The following PRDM15 variants were observed in gnomAD, a reference collection of about 807,000 sequenced individuals.
PRDM15 encodes PR domain zinc finger protein 15.
Under a neutral mutation model 128.6 loss-of-function variants are expected in PRDM15, and 64 were observed. The observed-to-expected ratio is 0.50, with a 90% CI of 0.41 to 0.61. PRDM15 has a LOEUF of 0.61. PRDM15 is among the 20% of genes least tolerant of loss of function. The pLI is 0.00. For synonymous variants in PRDM15, 615 were observed against 621.8 expected, an observed-to-expected ratio of 0.99 and a Z score of 0.16; for missense variants, 1,242 against 1,569.1, an observed-to-expected ratio of 0.79 and a Z score of 3.52.
chr21:41,858,871 G>A (rs904369717), intron 3 of PRDM15, among the ~76,000 whole-genome samples: 1 of 152,196 alleles, frequency 6.6e-6, no homozygotes, highest in Non-Finnish European at 1.5e-5. Context: ...TGGGGCAGTG[G>A]GGAGGCTCCT....
intron 18 of PRDM15, 118 bp from the exon 19 acceptor site, chr21:41,815,954 G>C (rs969624933): frequency 3.8e-6 from 5 of 1,331,772 alleles, no homozygotes; most frequent in Non-Finnish European, 5.1e-6. Context: ...GTGAGGGTGT[G>C]GGCCGGCCCC....
chr21:41,816,462 G>A (rs1275607861), intron 18 of PRDM15, among the ~76,000 whole-genome samples: 1 of 152,142 alleles, frequency 6.6e-6, no homozygotes, highest in Non-Finnish European at 1.5e-5. Flanking sequence ...CCAGGGAACA[G>A]GGCGACCCAG....
rs571264446 is a variant in PRDM15, at chr21:41,858,569, G to A, written c.131+1023C>T. Among the ~76,000 whole-genome samples, 6 of 150,918 alleles carry A rather than the reference G, an allele frequency of 4.0e-5. No individual in the cohort carries two copies. In the South Asian group the frequency reaches 1.0e-3, roughly 26 times the overall value. On this transcript the variant is annotated intron_variant, in intron 3 of 23. Transcript: ENST00000398548. ...GAGCACAGGCCTCTCCGACAGAGGC[G>A]GACATGGGGTGCCCAGAGCACAGGC...
At chr21:41,868,005 C>T (rs958433496) in intron 1 of PRDM15, among the ~76,000 whole-genome samples, 2 of 145,404 alleles carry the variant, frequency 1.4e-5, no homozygotes, top group East Asian at 2.0e-4. Context: ...TGCAGTGAGA[C>T]GAGATCCACT....
chr21:41,803,652 G>A (rs753841754), intron 22 of PRDM15, among the ~76,000 whole-genome samples: 7 of 152,244 alleles, frequency 4.6e-5, no homozygotes, highest in East Asian at 3.9e-4. Flanking sequence ...GGGACGACCC[G>A]TCCCCCCCAT....
At chr21:41,815,927 C>T (rs535749204) in intron 18 of PRDM15, 91 bp from the exon 19 acceptor site, 212 of 1,524,410 alleles carry the variant, frequency 1.4e-4, no homozygotes, top group Non-Finnish European at 1.8e-4. Context: ...GCACAGGCAG[C>T]GGCCCGTGCG....
intron 18 of PRDM15, among the ~76,000 whole-genome samples, chr21:41,816,770 A>T (rs535834922): frequency 5.9e-5 from 9 of 152,246 alleles, no homozygotes; most frequent in African/African-American, 1.9e-4. Flanking sequence ...CCCCACGATG[A>T]AGCCCGCTGC....
At position 41,862,184 on chromosome 21, in the gene PRDM15, G is replaced by T. The variant is rs552501584; in HGVS notation, c.-9-1812C>A. On this transcript the variant is annotated intron_variant, in intron 1 of 23. Coordinates refer to ENST00000398548, the MANE Select transcript of PRDM15 (RefSeq NM_001040424.3). The surrounding 1 kb of genome is among the most constrained non-coding windows in gnomAD (Gnocchi z 4.1). ...GAGGTGTAGGACCTGCGTGCCCCCT[G>T]CAGGAACCCACGTGACTCACGGTCA... 6.6e-6 allele frequency among the ~76,000 whole-genome samples: 1 copy of T among 152,308 alleles called. No homozygotes were observed. Among genetic ancestry groups the T allele is most frequent in the Admixed American group, 6.5e-5 (1 of 15,302 alleles).
chr21:41,869,030 G>A (rs941902443), intron 1 of PRDM15, among the ~76,000 whole-genome samples: 7 of 152,094 alleles, frequency 4.6e-5, no homozygotes, highest in Non-Finnish European at 8.8e-5. Flanking sequence ...TTATTTTACG[G>A]TTGTGCTTGA....
At chr21:41,831,726 G>A (rs2062699326) in intron 11 of PRDM15, among the ~76,000 whole-genome samples, 2 of 152,168 alleles carry the variant, frequency 1.3e-5, no homozygotes, top group South Asian at 4.1e-4. Context: ...GCGCTGGGAG[G>A]GGACAGTCCC....
chr21:41,809,336 G>A (rs140306768), intron 21 of PRDM15, among the ~76,000 whole-genome samples: 4,271 of 151,424 alleles, frequency 0.028, 89 homozygotes, highest in Middle Eastern at 0.058. Flanking sequence ...GGGTTCAAGC[G>A]ATTCTGCTGC....
In PRDM15 at chr21:41,836,600, G is replaced by A; in HGVS notation, c.1051C>T (p.Leu351Phe). 1 of 1,613,204 alleles carries A rather than the reference G, an allele frequency of 6.2e-7. No homozygotes were observed. Among genetic ancestry groups the A allele is most frequent in the Non-Finnish European group, 8.5e-7 (1 of 1,179,784 alleles). ...CGCCGGATGCCGTGTCTGCTTGAGA[G>A]AATTAAGCTCCTCTTGAGCGTGATG... The part of the protein sequence containing the change: ...NTITLKRSLI[L>F]SSRHGIRRKL... Residue 351 changes from leucine to phenylalanine, a missense_variant, in exon 9 of 24, where the codon CTC becomes TTC. This residue lies in a region of PRDM15 where 612 missense variants were observed against 717.0 expected (regional missense o/e 0.85). Transcript: ENST00000398548.
rs143498845 is a variant in PRDM15, at chr21:41,836,363, G to T, written c.1183+105C>A. ...ACAAATGCAGCCTCTCACTGGCGCAGCTCGTGGGAGACGACCCAAGGAGGG... is the reference window on the plus strand; with the variant it reads ...ACAAATGCAGCCTCTCACTGGCGCATCTCGTGGGAGACGACCCAAGGAGGG... On this transcript the variant is annotated intron_variant, in intron 9 of 23. Transcript: ENST00000398548. 1.5e-4 allele frequency: 205 copies of T among 1,346,740 alleles called. 2 individuals carry two copies. In the Middle Eastern group the frequency reaches 6.9e-3, roughly 45 times the overall value. 83.4% of individuals were successfully genotyped at this position (1,346,740 alleles called of 1,614,324 possible).
intron 1 of PRDM15, among the ~76,000 whole-genome samples, chr21:41,860,779 G>A (rs1013725005): frequency 2.0e-4 from 31 of 152,154 alleles, no homozygotes; most frequent in Admixed American, 2.0e-3. Context: ...AGCCAGTACA[G>A]GAACATTACG....
rs1261063283 is a variant in PRDM15, at chr21:41,859,787, G to A, written c.38-102C>T. Reference sequence around the variant, plus strand: ...CCTGGCCCCATGAGGGTGACCCAGAGTCATGAGACACATGCATGCCGACAC... The same window carrying A: ...CCTGGCCCCATGAGGGTGACCCAGAATCATGAGACACATGCATGCCGACAC... On this transcript the variant is annotated intron_variant, in intron 2 of 23. Transcript: ENST00000398548. The surrounding 1 kb of genome is among the most constrained non-coding windows in gnomAD (Gnocchi z 5.3). 1.0e-5 allele frequency: 9 copies of A among 897,196 alleles called. No individual in the cohort carries two copies. The highest frequency in any genetic ancestry group is 1.6e-5 in the Non-Finnish European group (9 of 563,912). The allele number at this position is 897,196 out of a possible 1,614,324, so 55.6% of individuals were successfully genotyped here. A position where few individuals can be genotyped will look rare whatever the true frequency, so the allele number is the denominator to read the frequency against.
chr21:41,834,203 T>G lies in PRDM15; in HGVS notation c.1366+1234A>C, dbSNP rs115969394. On this transcript the variant is annotated intron_variant, in intron 11 of 23. Transcript: ENST00000398548. Reference sequence around the variant, plus strand: ...GACTCATTCCTGCCCCTCAGAACAGTCCAACCCCAGGAAGAAGGCATCAGG... The same window carrying G: ...GACTCATTCCTGCCCCTCAGAACAGGCCAACCCCAGGAAGAAGGCATCAGG... Among the ~76,000 whole-genome samples, 360 of 150,664 alleles carry G rather than the reference T, an allele frequency of 2.4e-3. 1 individual carries two copies. Among genetic ancestry groups the G allele is most frequent in the African/African-American group, 8.5e-3 (349 of 41,042 alleles).
chr21:41,828,384 C>A lies in PRDM15; in HGVS notation c.1367-51G>T. ...AACGATTTTGAGGTAAATAACATCT[C>A]ACGCAGGCACGCACGTGTGGCCTGA... is the stretch of plus-strand genomic sequence containing the variant. On this transcript the variant is annotated intron_variant, in intron 11 of 23. Coordinates refer to ENST00000398548, the MANE Select transcript of PRDM15 (RefSeq NM_001040424.3). This position sits in a 1 kb window ranked among gnomAD's most constrained non-coding sequence, Gnocchi z 5.7. 6.3e-7 allele frequency: 1 copy of A among 1,593,276 alleles called. No homozygotes were observed. Among genetic ancestry groups the A allele is most frequent in the South Asian group, 1.1e-5 (1 of 90,562 alleles).
intron 1 of PRDM15, chr21:41,878,955 G>C (rs2146092766): frequency 1.0e-6 from 1 of 971,390 alleles, no homozygotes; most frequent in South Asian, 4.6e-5. Flanking sequence ...GCAGGGGACG[G>C]GGGCGCGGAG....
chr21:41,857,382 G>C, intron 3 of PRDM15, 53 bp from the exon 4 acceptor site: 3 of 1,587,708 alleles, frequency 1.9e-6, no homozygotes, highest in Admixed American at 1.7e-5. Flanking sequence ...CCCAGGGACC[G>C]ACTCGTTAAG....
Sources: allele counts gnomAD v4.1 joint callset (sites outside exome capture counted in the v4.1 genomes callset), GRCh38; gene constraint gnomAD v4.1.1; regional missense constraint gnomAD v4.1.1; non-coding constraint Gnocchi (gnomAD v3.1); transcripts MANE v1.5; gene names NCBI Gene and HGNC (gene_info 2026-07-23, HGNC 2026-07-21).